PIK3C2G: variants seen among roughly 807,000 people sequenced by gnomAD.
PIK3C2G encodes phosphatidylinositol 3-kinase C2 domain-containing subunit gamma.
Under a neutral mutation model 181.1 loss-of-function variants are expected in PIK3C2G, and 168 were observed. That is an observed-to-expected ratio of 0.93 (90% CI 0.82 to 1.05). The LOEUF (loss-of-function observed/expected upper bound fraction) is 1.05. Ranked by LOEUF, PIK3C2G falls within the 50% of genes least tolerant of loss-of-function variation. The probability of loss-of-function intolerance (pLI) is 0.00; values close to 1 mark genes in which losing one functional copy is unlikely to be tolerated. For synonymous variants in PIK3C2G, 573 were observed against 592.2 expected, an observed-to-expected ratio of 0.97 and a Z score of 0.47; for missense variants, 1,869 against 1,732.8, an observed-to-expected ratio of 1.08 and a Z score of -1.40.
At chr12:18,307,636 T>C (rs1486891444) in intron 5 of PIK3C2G, among the ~76,000 whole-genome samples, 1 of 151,948 alleles carries the variant, frequency 6.6e-6, no homozygotes, top group African/African-American at 2.4e-5. Flanking sequence ...CTTTCATTTC[T>C]CTTTCTCTTG....
intron 12 of PIK3C2G, among the ~76,000 whole-genome samples, chr12:18,365,991 T>C (rs148481984): frequency 1.6e-3 from 239 of 152,274 alleles, no homozygotes; most frequent in African/African-American, 5.5e-3. Flanking sequence ...TCACCTTCAA[T>C]GGTCTAAAAA....
intron 6 of PIK3C2G, among the ~76,000 whole-genome samples, chr12:18,319,057 C>A (rs1227077679): frequency 1.3e-5 from 2 of 151,972 alleles, no homozygotes; most frequent in East Asian, 1.9e-4. Context: ...GGCACTCCAG[C>A]CTGAGCGACA....
At chr12:18,249,235 T>C (rs1281937304) in intron 1 of PIK3C2G, among the ~76,000 whole-genome samples, 3 of 152,172 alleles carry the variant, frequency 2.0e-5, no homozygotes, top group Non-Finnish European at 2.9e-5. Flanking sequence ...GTGACTAGGA[T>C]AGCATTATGT....
chr12:18,334,448 T>A lies in PIK3C2G; in HGVS notation c.1273-3978T>A, dbSNP rs186110223. 4.3e-3 allele frequency among the ~76,000 whole-genome samples: 661 copies of A among 152,258 alleles called. 2 individuals are homozygous for A. Among genetic ancestry groups the A allele is most frequent in the Non-Finnish European group, 4.6e-3 (314 of 68,006 alleles). ...TGGTTATAATGTTTTATTTTTCTTC[T>A]TTTTTGCCAAGCTAAAATTTTGTAA... On this transcript the variant is annotated intron_variant, in intron 8 of 32. Coordinates refer to ENST00000538779, the MANE Select transcript of PIK3C2G (RefSeq NM_001288772.2).
At chr12:18,394,314 T>C (rs1366895522) in intron 15 of PIK3C2G, among the ~76,000 whole-genome samples, 2 of 152,114 alleles carry the variant, frequency 1.3e-5, no homozygotes, top group African/African-American at 4.8e-5. Flanking sequence ...AAATGAGATC[T>C]GACCCCTGAA....
At chr12:18,719,713 T>G in the PIK3C2G span, 2 of 952,116 alleles carry the variant, frequency 2.1e-6, no homozygotes, top group Admixed American at 5.0e-5. Flanking sequence ...ACTTGTAAAC[T>G]TACTCAGTAG....
At chr12:18,718,522 G>C in the PIK3C2G span, among the ~76,000 whole-genome samples, 2 of 151,872 alleles carry the variant, frequency 1.3e-5, no homozygotes, top group Non-Finnish European at 2.9e-5. Flanking sequence ...CTTGTCTCTA[G>C]CCACATTTGC....
chr12:18,629,264 G>T (rs906981505), intron 31 of PIK3C2G, among the ~76,000 whole-genome samples: 1 of 152,180 alleles, frequency 6.6e-6, no homozygotes, highest in Non-Finnish European at 1.5e-5. Flanking sequence ...ACAGATATGA[G>T]AGAGGGCACA....
In PIK3C2G at chr12:18,417,296, G is replaced by A. The variant is rs116508504; in HGVS notation, c.2316-3645G>A. On this transcript the variant is annotated intron_variant, in intron 16 of 32. Transcript: ENST00000538779. ...AATTTACTCCTGGTGAAGATGCTGC[G>A]AACATTGTTGACATGATAACAAAGG... is the stretch of plus-strand genomic sequence containing the variant. 7.5e-3 allele frequency among the ~76,000 whole-genome samples: 1,135 copies of A among 152,262 alleles called. 15 individuals carry two copies. The highest frequency in any genetic ancestry group is 0.026 in the African/African-American group (1,097 of 41,540).
chr12:18,609,550 A>C lies in PIK3C2G; in HGVS notation c.4103A>C (p.Asp1368Ala), dbSNP rs1948228983. Residue 1368 changes from aspartate (D) to alanine (A), a missense_variant, in exon 31 of 33, where the codon GAC (aspartate) becomes GCC (alanine). Coordinates refer to ENST00000538779, the MANE Select transcript of PIK3C2G (RefSeq NM_001288772.2). The part of the protein sequence containing the change: ...SPVYLGEKFP[D>A]KKPKVQLVIS... ...CTTTTATCAGGTGAGAAGTTTCCAG[A>C]CAAGAAGCCTAAGGTGCAGTTAGTC... 1.3e-6 allele frequency: 2 copies of C among 1,581,388 alleles called. No homozygotes were observed. The highest frequency in any genetic ancestry group is 1.7e-6 in the Non-Finnish European group (2 of 1,161,086).
intron 26 of PIK3C2G, among the ~76,000 whole-genome samples, chr12:18,547,818 A>G (rs142898087): frequency 6.6e-6 from 1 of 152,098 alleles, no homozygotes; most frequent in African/African-American, 2.4e-5. Context: ...CAAGTAATTG[A>G]TGTTCGACTG....
intron 14 of PIK3C2G, among the ~76,000 whole-genome samples, chr12:18,388,840 T>C (rs1943349388): frequency 6.6e-6 from 1 of 152,136 alleles, no homozygotes; most frequent in South Asian, 2.1e-4. Context: ...GAAGTTGATA[T>C]CCAAATGTGT....
the PIK3C2G span, among the ~76,000 whole-genome samples, chr12:18,694,290 G>A: frequency 3.9e-5 from 6 of 152,210 alleles, no homozygotes; most frequent in East Asian, 1.2e-3. Context: ...GCAGCAGTCT[G>A]CTTCCCAATA....
intron 17 of PIK3C2G, among the ~76,000 whole-genome samples, chr12:18,423,038 G>A (rs1945576976): frequency 1.3e-5 from 2 of 151,834 alleles, no homozygotes; most frequent in African/African-American, 4.8e-5. Flanking sequence ...ATATTGAGGT[G>A]TTTCTTCAAG....
the PIK3C2G span, chr12:18,713,603 A>G: frequency 2.0e-5 from 3 of 152,784 alleles, no homozygotes; most frequent in Admixed American, 6.5e-5. Flanking sequence ...ACCATTTAAC[A>G]TAAGGCCATC....
At chr12:18,690,441 T>A in the PIK3C2G span, among the ~76,000 whole-genome samples, 3 of 152,220 alleles carry the variant, frequency 2.0e-5, no homozygotes, top group Admixed American at 6.5e-5. Flanking sequence ...GCCAGGCTGG[T>A]CTTGAACTCT....
the PIK3C2G span, among the ~76,000 whole-genome samples, chr12:18,711,342 C>T: frequency 2.3e-4 from 28 of 123,468 alleles, no homozygotes; most frequent in African/African-American, 8.0e-4. Context: ...AATGAGAACA[C>T]ATGGACACAG....
At chr12:18,371,805 C>T (rs1242031114) in intron 13 of PIK3C2G, among the ~76,000 whole-genome samples, 2 of 151,978 alleles carry the variant, frequency 1.3e-5, no homozygotes, top group East Asian at 1.9e-4. Context: ...AACTAATGAC[C>T]GTTGCAAAAT....
At chr12:18,506,639 T>C (rs946229891) in intron 24 of PIK3C2G, among the ~76,000 whole-genome samples, 3 of 152,218 alleles carry the variant, frequency 2.0e-5, no homozygotes, top group African/African-American at 4.8e-5. Flanking sequence ...AATGACTGAA[T>C]AATTATATTA....
Sources: gnomAD v4.1 joint callset for allele counts (sites outside exome capture counted in the v4.1 genomes callset) on GRCh38, gnomAD v4.1.1 for gene constraint, MANE v1.5 for transcripts, NCBI Gene and HGNC (gene_info 2026-07-23, HGNC 2026-07-21) for gene names.